The following DMTN variants were observed in gnomAD, a reference collection of about 807,000 sequenced individuals.
The protein encoded by DMTN is dematin.
In DMTN, 27 loss-of-function variants were observed where a neutral mutation model predicts 59.4. The observed-to-expected ratio is 0.45, with a 90% CI of 0.33 to 0.63. DMTN has a LOEUF of 0.63. Ranked by LOEUF, DMTN falls within the 20% of genes least tolerant of loss-of-function variation. DMTN has a pLI of 0.02. For synonymous variants in DMTN, 221 were observed against 203.7 expected, an observed-to-expected ratio of 1.08 and a Z score of -0.72; for missense variants, 451 against 528.9, an observed-to-expected ratio of 0.85 and a Z score of 1.45.
chr8:22,052,678 C>T (rs537442059), upstream of DMTN, among the ~76,000 whole-genome samples: 2 of 152,098 alleles, frequency 1.3e-5, no homozygotes, highest in East Asian at 3.9e-4. Context: ...AACAAAGCAA[C>T]CTTTTTTTTT....
At chr8:22,071,410 T>C (rs942716391) in intron 8 of DMTN, among the ~76,000 whole-genome samples, 1 of 151,626 alleles carries the variant, frequency 6.6e-6, no homozygotes, top group Non-Finnish European at 1.5e-5. Context: ...TTTTAAATGT[T>C]GAGACAGGAA....
intron 1 of DMTN, among the ~76,000 whole-genome samples, chr8:22,061,298 A>C (rs1806235113): frequency 7.0e-6 from 1 of 142,080 alleles, no homozygotes; most frequent in South Asian, 2.1e-4. Flanking sequence ...AAAAAAAAAA[A>C]AGAAAGAAAG....
At position 22,060,431 on chromosome 8, in the gene DMTN, T is replaced by TC. The variant is rs1554536811; in HGVS notation, c.-172+3300dup. 1.3e-5 allele frequency among the ~76,000 whole-genome samples: 2 copies of TC among 151,218 alleles called. No homozygotes were observed. The highest frequency in any genetic ancestry group is 4.9e-5 in the African/African-American group (2 of 40,910). On this transcript the variant is annotated intron_variant, in intron 1 of 15. Coordinates refer to ENST00000358242, the MANE Select transcript of DMTN (RefSeq NM_001387751.1). The surrounding 1 kb of genome is among the most constrained non-coding windows in gnomAD (Gnocchi z 5.0). ...CTGTCTCGCTCTCTCTCTCTCTCTC[T>TC]CCCCCTCACACATGCGCACGCACAC...
chr8:22,066,647 G>A (rs1585860175), intron 1 of DMTN, 58 bp from the exon 2 acceptor site: 4 of 366,940 alleles, frequency 1.1e-5, no homozygotes, highest in East Asian at 8.5e-5. Flanking sequence ...GCGGCCGCCC[G>A]CGGAGGCCCC....
intron 1 of DMTN, 108 bp from the exon 2 acceptor site, chr8:22,066,597 A>C: frequency 3.1e-6 from 1 of 319,534 alleles, no homozygotes. Flanking sequence ...GGCTGAGCGG[A>C]TGGGAAGCCT....
chr8:22,071,420 A>G (rs906992085), intron 8 of DMTN, among the ~76,000 whole-genome samples: 62 of 150,892 alleles, frequency 4.1e-4, no homozygotes, highest in Non-Finnish European at 7.4e-4. Flanking sequence ...TGAGACAGGA[A>G]GTCTTGCTCT....
chr8:22,069,347 G>T, intron 5 of DMTN, 72 bp from the exon 6 acceptor site: 1 of 1,308,820 alleles, frequency 7.6e-7, no homozygotes. Flanking sequence ...AGAGGGTGGT[G>T]TGAGCTGATG....
chr8:22,079,285 T>C (rs867091433), intron 10 of DMTN, among the ~76,000 whole-genome samples: 1 of 54,260 alleles, frequency 1.8e-5, no homozygotes, highest in Non-Finnish European at 3.6e-5. Flanking sequence ...TAAATATATA[T>C]ATATATATAT....
upstream of DMTN, among the ~76,000 whole-genome samples, chr8:22,051,182 T>C (rs1054785188): frequency 6.6e-6 from 1 of 152,134 alleles, no homozygotes; most frequent in Non-Finnish European, 1.5e-5. Flanking sequence ...TAGGGGAGGA[T>C]GTGACCAGGT....
chr8:22,064,120 GGATA>G (rs992585349), intron 1 of DMTN, among the ~76,000 whole-genome samples: 1 of 151,996 alleles, frequency 6.6e-6, no homozygotes, highest in African/African-American at 2.4e-5. Flanking sequence ...ATGGATGGAT[GGATA>G]GATGCAGGAA....
chr8:22,050,525 C>CCCCTCCCTCCCTCCCTCCCTCCCT (rs555918033), upstream of DMTN, among the ~76,000 whole-genome samples: 3 of 150,628 alleles, frequency 2.0e-5, no homozygotes, highest in Admixed American at 6.6e-5. Flanking sequence ...CTTTCTCCGG[C>CCCCTCCCTCCCTCCCTCCCTCCCT]CCCTCCCTCC....
At chr8:22,075,381 C>A (rs1458335125) in intron 10 of DMTN, among the ~76,000 whole-genome samples, 1 of 150,526 alleles carries the variant, frequency 6.6e-6, no homozygotes, top group Non-Finnish European at 1.5e-5. Flanking sequence ...CAGGGTCTTG[C>A]TCTGTTGCCC....
chr8:22,069,800 C>T (rs997518232), intron 6 of DMTN, 81 bp from the exon 7 acceptor site: 9 of 1,513,552 alleles, frequency 5.9e-6, no homozygotes, highest in African/African-American at 1.4e-5. Context: ...CACCTTGTCC[C>T]GTTCCATCAT....
At position 22,070,351 on chromosome 8, in the gene DMTN, G is replaced by C. The variant is rs1249887833; in HGVS notation, c.604+17G>C. The C allele has an allele frequency of 1.3e-6, 2 of 1,582,942 alleles. No homozygotes were observed. Among genetic ancestry groups the C allele is most frequent in the South Asian group, 2.3e-5 (2 of 85,652 alleles). ...CTGTTGTGGGTAGGAGAGATGGGGA[G>C]AGTGGAATGGGTGGTCTGGGAAACT... On this transcript the variant is annotated intron_variant, in intron 8 of 15. Transcript: ENST00000358242.
At chr8:22,079,302 T>TATATAAATA (rs1491109949) in intron 10 of DMTN, among the ~76,000 whole-genome samples, 2 of 15,528 alleles carry the variant, frequency 1.3e-4, no homozygotes, top group African/African-American at 2.5e-4. Flanking sequence ...ATATATATAT[T>TATATAAATA]AGCTGGGTTT....
chr8:22,067,831 C>T (rs955271433), intron 4 of DMTN, 149 bp downstream of exon 4: 7 of 945,066 alleles, frequency 7.4e-6, no homozygotes, highest in African/African-American at 4.9e-5. Flanking sequence ...CCAGTCAGTC[C>T]ATCCGGTGTT....
chr8:22,065,242 C>T (rs576354372), intron 1 of DMTN, among the ~76,000 whole-genome samples: 174 of 152,258 alleles, frequency 1.1e-3, no homozygotes, highest in African/African-American at 3.3e-3. Flanking sequence ...CTATGTTGCC[C>T]GGGCTGGCCT....
chr8:22,075,997 C>G (rs1460600865), intron 10 of DMTN, among the ~76,000 whole-genome samples: 1 of 152,164 alleles, frequency 6.6e-6, no homozygotes. Context: ...AACATATAGA[C>G]AATTGAATCC....
intron 10 of DMTN, among the ~76,000 whole-genome samples, chr8:22,078,521 G>A (rs1464659619): frequency 6.6e-6 from 1 of 150,782 alleles, no homozygotes; most frequent in Non-Finnish European, 1.5e-5. Context: ...GAAACAGTTG[G>A]TATAAATGCC....
Sources: gnomAD v4.1 joint callset for allele counts (sites outside exome capture counted in the v4.1 genomes callset) on GRCh38, gnomAD v4.1.1 for gene constraint, Gnocchi (gnomAD v3.1) non-coding constraint, MANE v1.5 for transcripts, NCBI Gene and HGNC (gene_info 2026-07-23, HGNC 2026-07-21) for gene names.